The following CNTNAP2 variants were observed in gnomAD, a reference collection of about 807,000 sequenced individuals.
The protein encoded by CNTNAP2 is contactin associated protein 2.
CNTNAP2 carries 98 observed loss-of-function variants against 155.2 expected under a neutral mutation model. The ratio of observed to expected loss-of-function variants is 0.63; its 90% confidence interval spans 0.54 to 0.75. The LOEUF (loss-of-function observed/expected upper bound fraction) is 0.75, where lower values mean the gene tolerates loss of function less well. Among genes scored for constraint, CNTNAP2 ranks in the 30% least tolerant of loss-of-function variants. The probability of loss-of-function intolerance (pLI) is 0.00; values close to 1 mark genes in which losing one functional copy is unlikely to be tolerated. For synonymous variants in CNTNAP2, 651 were observed against 631.2 expected, an observed-to-expected ratio of 1.03 and a Z score of -0.47; for missense variants, 1,727 against 1,688.1, an observed-to-expected ratio of 1.02 and a Z score of -0.40.
At chr7:147,676,484 A>G (rs552082932) in intron 13 of CNTNAP2, among the ~76,000 whole-genome samples, 1 of 152,128 alleles carries the variant, frequency 6.6e-6, no homozygotes, top group South Asian at 2.1e-4. Context: ...TAACTAACAT[A>G]TGCACTGCCT....
chr7:148,270,999 G>C (rs1230689041), intron 21 of CNTNAP2, among the ~76,000 whole-genome samples: 2 of 152,174 alleles, frequency 1.3e-5, no homozygotes, highest in African/African-American at 2.4e-5. Flanking sequence ...TCAGTGCCTA[G>C]TATACAGAAA....
chr7:146,452,055 C>T (rs971883474), intron 1 of CNTNAP2, among the ~76,000 whole-genome samples: 5 of 151,426 alleles, frequency 3.3e-5, no homozygotes, highest in African/African-American at 4.9e-5. Context: ...ACTACAGGCA[C>T]GTGCCACCAT....
At chr7:146,465,235 A>G (rs1796701026) in intron 1 of CNTNAP2, among the ~76,000 whole-genome samples, 3 of 152,172 alleles carry the variant, frequency 2.0e-5, no homozygotes. Flanking sequence ...AGGCAACAGT[A>G]GCTAGCTAAA....
chr7:146,856,297 GATACATAC>G (rs71165043), intron 3 of CNTNAP2, among the ~76,000 whole-genome samples: 167 of 116,692 alleles, frequency 1.4e-3, no homozygotes, highest in South Asian at 0.01. Context: ...TAGATAGATA[GATACATAC>G]ATACATACAT....
At chr7:147,229,385 C>T (rs1394409845) in intron 8 of CNTNAP2, among the ~76,000 whole-genome samples, 1 of 152,174 alleles carries the variant, frequency 6.6e-6, no homozygotes, top group Admixed American at 6.5e-5. Context: ...GGCAGTTGAG[C>T]AGATGGGTGG....
intron 15 of CNTNAP2, among the ~76,000 whole-genome samples, chr7:148,025,008 A>G (rs770576638): frequency 2.0e-5 from 3 of 152,220 alleles, no homozygotes; most frequent in Non-Finnish European, 4.4e-5. Flanking sequence ...TAAAACAAAA[A>G]TGATACATCC....
intron 17 of CNTNAP2, among the ~76,000 whole-genome samples, chr7:148,168,271 A>G (rs1805709252): frequency 6.6e-6 from 1 of 151,972 alleles, no homozygotes; most frequent in South Asian, 2.1e-4. Context: ...ACGTATGTTT[A>G]TTGCAGCACT....
At chr7:146,320,334 G>C (rs1028277662) in intron 1 of CNTNAP2, among the ~76,000 whole-genome samples, 1 of 152,016 alleles carries the variant, frequency 6.6e-6, no homozygotes, top group African/African-American at 2.4e-5. Context: ...CTCCAAAAAA[G>C]ATGTTAATGC....
At chr7:147,503,290 C>G (rs1798851539) in intron 11 of CNTNAP2, among the ~76,000 whole-genome samples, 1 of 152,254 alleles carries the variant, frequency 6.6e-6, no homozygotes, top group African/African-American at 2.4e-5. Flanking sequence ...CTGTCTCTGT[C>G]CCTGTGTCAG....
chr7:146,842,460 C>T (rs963642064), intron 3 of CNTNAP2, among the ~76,000 whole-genome samples: 1 of 151,978 alleles, frequency 6.6e-6, no homozygotes, highest in African/African-American at 2.4e-5. Context: ...AAAATCAAAA[C>T]AAGTTGGAGA....
At chr7:146,767,966 G>A (rs34502131) in intron 1 of CNTNAP2, among the ~76,000 whole-genome samples, 16,399 of 151,978 alleles carry the variant, frequency 0.11, 1,113 homozygotes, top group African/African-American at 0.19. Context: ...TCACCAAAAA[G>A]TATTAATTAT....
chr7:146,305,731 G>T (rs187572277), intron 1 of CNTNAP2, among the ~76,000 whole-genome samples: 36 of 152,170 alleles, frequency 2.4e-4, no homozygotes, highest in African/African-American at 8.4e-4. Flanking sequence ...AGAATCTCTG[G>T]GACACATTTA....
At chr7:146,405,334 G>C (rs892501191) in intron 1 of CNTNAP2, among the ~76,000 whole-genome samples, 1 of 152,134 alleles carries the variant, frequency 6.6e-6, no homozygotes, top group African/African-American at 2.4e-5. Flanking sequence ...TTATGAAACT[G>C]TAAGTTCCAT....
intron 8 of CNTNAP2, among the ~76,000 whole-genome samples, chr7:147,282,312 G>C (rs1805057404): frequency 6.6e-6 from 1 of 151,872 alleles, no homozygotes; most frequent in South Asian, 2.1e-4. Context: ...TGTATATTTA[G>C]TTTTTCAAAC....
intron 1 of CNTNAP2, among the ~76,000 whole-genome samples, chr7:146,353,435 C>A (rs1462754903): frequency 1.3e-5 from 2 of 152,150 alleles, no homozygotes; most frequent in African/African-American, 4.8e-5. Context: ...CTTCTCAGTG[C>A]TTGGGCCTCT....
chr7:146,419,143 C>T (rs1172033306), intron 1 of CNTNAP2, among the ~76,000 whole-genome samples: 4 of 151,996 alleles, frequency 2.6e-5, no homozygotes, highest in Non-Finnish European at 5.9e-5. Flanking sequence ...CTAGGAAGGC[C>T]TCACAATCAT....
At chr7:146,218,457 T>C (rs190803833) in intron 1 of CNTNAP2, among the ~76,000 whole-genome samples, 2,479 of 151,880 alleles carry the variant, frequency 0.016, 56 homozygotes, top group African/African-American at 0.055. Context: ...TGCAGTGAGC[T>C]GAGATCGCGC....
intron 1 of CNTNAP2, among the ~76,000 whole-genome samples, chr7:146,520,170 C>G: frequency 6.6e-6 from 1 of 150,850 alleles, no homozygotes; most frequent in East Asian, 1.9e-4. Flanking sequence ...AAGATATATC[C>G]TAACTAATTA....
At chr7:148,044,416 C>T (rs185571001) in intron 15 of CNTNAP2, among the ~76,000 whole-genome samples, 4 of 152,086 alleles carry the variant, frequency 2.6e-5, no homozygotes, top group African/African-American at 7.2e-5. Flanking sequence ...GGCCTTGTGG[C>T]GTGCTATAGT....
Sources: allele counts gnomAD v4.1 joint callset (sites outside exome capture counted in the v4.1 genomes callset), GRCh38; gene constraint gnomAD v4.1.1; transcripts MANE v1.5; gene names NCBI Gene and HGNC (gene_info 2026-07-23, HGNC 2026-07-21).